SYT17: variants seen among roughly 807,000 people sequenced by gnomAD.
SYT17 encodes the protein synaptotagmin 17.
Under a neutral mutation model 46.7 loss-of-function variants are expected in SYT17, and 22 were observed. The observed-to-expected ratio is 0.47, with a 90% CI of 0.34 to 0.67. SYT17 has a LOEUF of 0.67. SYT17 is among the 30% of genes least tolerant of loss of function. SYT17 has a pLI of 0.01. For synonymous variants in SYT17, 251 were observed against 248.4 expected, an observed-to-expected ratio of 1.01 and a Z score of -0.10; for missense variants, 519 against 612.8, an observed-to-expected ratio of 0.85 and a Z score of 1.62.
chr16:19,251,366 A>T (rs1226028570), intron 7 of SYT17, among the ~76,000 whole-genome samples: 1 of 152,208 alleles, frequency 6.6e-6, no homozygotes, highest in Non-Finnish European at 1.5e-5. Context: ...AACCCACAGT[A>T]TAGGTTAAGG....
At chr16:19,234,463 AT>A (rs1192466540) in intron 7 of SYT17, among the ~76,000 whole-genome samples, 2 of 152,010 alleles carry the variant, frequency 1.3e-5, no homozygotes, top group African/African-American at 2.4e-5. Context: ...TTATATATTT[AT>A]TTTTACCTTT....
intron 7 of SYT17, among the ~76,000 whole-genome samples, chr16:19,235,001 C>T (rs781762994): frequency 6.6e-6 from 1 of 152,120 alleles, no homozygotes; most frequent in Admixed American, 6.5e-5. Flanking sequence ...CAGAACCAGG[C>T]GTTTGTGCTC....
At chr16:19,232,516 T>C (rs915423375) in intron 7 of SYT17, among the ~76,000 whole-genome samples, 7 of 152,074 alleles carry the variant, frequency 4.6e-5, no homozygotes, top group Admixed American at 2.0e-4. Context: ...TGATGATTGA[T>C]TGTGCCAGTG....
intron 6 of SYT17, among the ~76,000 whole-genome samples, chr16:19,224,254 C>T (rs1966422463): frequency 6.6e-6 from 1 of 152,104 alleles, no homozygotes; most frequent in African/African-American, 2.4e-5. Flanking sequence ...TGATTTCTCA[C>T]CTTGAGTCCT....
At chr16:19,238,194 A>G (rs1966874476) in intron 7 of SYT17, among the ~76,000 whole-genome samples, 1 of 152,208 alleles carries the variant, frequency 6.6e-6, no homozygotes, top group African/African-American at 2.4e-5. Context: ...GTAAAGGACC[A>G]TTCCCTATCT....
At chr16:19,177,551 C>G (rs1281778348) in intron 3 of SYT17, among the ~76,000 whole-genome samples, 4 of 152,198 alleles carry the variant, frequency 2.6e-5, no homozygotes, top group African/African-American at 7.2e-5. Context: ...GTAGAAATGT[C>G]AAGTGTATGG....
At chr16:19,223,009 A>C in intron 5 of SYT17, 36 bp from the exon 6 acceptor site, 1 of 1,612,428 alleles carries the variant, frequency 6.2e-7, no homozygotes, top group Non-Finnish European at 8.5e-7. Flanking sequence ...GAATAAAAGG[A>C]GAAGGCAACT....
intron 7 of SYT17, among the ~76,000 whole-genome samples, chr16:19,253,006 A>G (rs1302266776): frequency 6.6e-6 from 1 of 152,222 alleles, no homozygotes; most frequent in Non-Finnish European, 1.5e-5. Context: ...CATTTCTAAC[A>G]GGTTTCCAGG....
chr16:19,257,682 G>T (rs1369107285), intron 7 of SYT17, among the ~76,000 whole-genome samples: 3 of 152,188 alleles, frequency 2.0e-5, no homozygotes, highest in Non-Finnish European at 4.4e-5. Flanking sequence ...CTATGAAACA[G>T]CCCAGGGTGG....
chr16:19,203,776 AAG>A (rs1181750477), intron 5 of SYT17, among the ~76,000 whole-genome samples: 1 of 152,238 alleles, frequency 6.6e-6, no homozygotes, highest in Non-Finnish European at 1.5e-5. Flanking sequence ...TGTTCACTGA[AAG>A]AGGTAAATCT....
At chr16:19,238,194 AT>A (rs1333361265) in intron 7 of SYT17, among the ~76,000 whole-genome samples, 1 of 152,208 alleles carries the variant, frequency 6.6e-6, no homozygotes, top group Non-Finnish European at 1.5e-5. Context: ...GTAAAGGACC[AT>A]TCCCTATCTT....
chr16:19,217,987 T>C (rs926994298), intron 5 of SYT17, among the ~76,000 whole-genome samples: 5 of 152,258 alleles, frequency 3.3e-5, no homozygotes, highest in African/African-American at 1.2e-4. Flanking sequence ...GTGTAAGGGT[T>C]AACCATGGGC....
In SYT17 at chr16:19,219,379, G is replaced by A. The variant is rs1241564899; in HGVS notation, c.952-3666G>A. Reference sequence around the variant, plus strand: ...ATTGCGCCACTGCAGTCCGCAGTCCGGCCTGGGCGACAGAGCGAGACTCCG... The same window carrying A: ...ATTGCGCCACTGCAGTCCGCAGTCCAGCCTGGGCGACAGAGCGAGACTCCG... On this transcript the variant is annotated intron_variant, in intron 5 of 7. Transcript: ENST00000355377. Among the ~76,000 whole-genome samples, 4 of 5,742 alleles carry A rather than the reference G, an allele frequency of 7.0e-4. 2 individuals carry two copies. The highest frequency in any genetic ancestry group is 9.7e-4 in the Non-Finnish European group (4 of 4,104). The allele number at this position is 5,742 out of a possible 152,430, so 3.8% of individuals were successfully genotyped here. A position where few individuals can be genotyped will look rare whatever the true frequency, so the allele number is the denominator to read the frequency against.
At chr16:19,244,855 T>C (rs904186930) in intron 7 of SYT17, among the ~76,000 whole-genome samples, 15 of 152,182 alleles carry the variant, frequency 9.9e-5, no homozygotes, top group Middle Eastern at 3.2e-3. Flanking sequence ...TGTACATCAC[T>C]TCCACTTCCA....
chr16:19,194,824 C>T (rs1252851492), intron 5 of SYT17, among the ~76,000 whole-genome samples: 2 of 152,170 alleles, frequency 1.3e-5, no homozygotes, highest in African/African-American at 2.4e-5. Context: ...TCTCGAACTC[C>T]TGACCTCAAG....
At chr16:19,204,608 C>G (rs566608124) in intron 5 of SYT17, among the ~76,000 whole-genome samples, 1 of 152,168 alleles carries the variant, frequency 6.6e-6, no homozygotes, top group South Asian at 2.1e-4. Flanking sequence ...GTGGACTTAA[C>G]TAAAGATCCC....
chr16:19,222,911 C>T, intron 5 of SYT17, 134 bp from the exon 6 acceptor site: 1 of 1,168,932 alleles, frequency 8.6e-7, no homozygotes, highest in Non-Finnish European at 1.2e-6. Flanking sequence ...AGAAGTCACA[C>T]ACAGAGGCTC....
chr16:19,229,063 C>T (rs1966592178), intron 7 of SYT17, among the ~76,000 whole-genome samples: 1 of 152,138 alleles, frequency 6.6e-6, no homozygotes, highest in South Asian at 2.1e-4. Context: ...AATTGCTTTT[C>T]ACCGCCCAAG....
At chr16:19,222,135 G>T (rs1158971068) in intron 5 of SYT17, among the ~76,000 whole-genome samples, 2 of 152,158 alleles carry the variant, frequency 1.3e-5, no homozygotes, top group African/African-American at 4.8e-5. Context: ...ACCATATCGA[G>T]GGCTTAGTTT....
Sources: allele counts gnomAD v4.1 joint callset (sites outside exome capture counted in the v4.1 genomes callset), GRCh38; gene constraint gnomAD v4.1.1; transcripts MANE v1.5; gene names NCBI Gene and HGNC (gene_info 2026-07-23, HGNC 2026-07-21).